ADCY5: variants seen among roughly 807,000 people sequenced by gnomAD.
ADCY5 encodes adenylate cyclase type 5.
In ADCY5, 30 loss-of-function variants were observed where a neutral mutation model predicts 119.7. That is an observed-to-expected ratio of 0.25 (90% confidence interval 0.19 to 0.34). The LOEUF is 0.34. ADCY5 is among the 10% of genes least tolerant of loss of function. The pLI, the probability that ADCY5 is intolerant of heterozygous loss-of-function variation, is 1.00. For missense variants in ADCY5, 1,324 were observed against 1,775.2 expected (o/e 0.75, Z 4.57); for synonymous variants, 753 against 762.2 (o/e 0.99, Z 0.20).
chr3:123,302,099 T>C (rs553659002), intron 14 of ADCY5, among the ~76,000 whole-genome samples: 2 of 152,312 alleles, frequency 1.3e-5, no homozygotes, highest in African/African-American at 4.8e-5. Context: ...GGGAGTTGGA[T>C]GAAAACATAG....
chr3:123,321,249 C>T (rs772435334), intron 8 of ADCY5, among the ~76,000 whole-genome samples: 6 of 152,254 alleles, frequency 3.9e-5, no homozygotes, highest in South Asian at 2.1e-4. Flanking sequence ...CCCAGGAGTT[C>T]GCACATTTTG....
At chr3:123,383,074 G>A (rs1288869134) in intron 1 of ADCY5, among the ~76,000 whole-genome samples, 21 of 138,640 alleles carry the variant, frequency 1.5e-4, no homozygotes, top group Admixed American at 1.0e-3. Context: ...CCAGGGCCCC[G>A]AGCCTTGCTA....
At position 123,315,302 on chromosome 3, in the gene ADCY5, G is replaced by A. The variant is rs148642617; in HGVS notation, c.2355-980C>T. On this transcript the variant is annotated intron_variant, in intron 11 of 20. Coordinates refer to ENST00000462833, the MANE Select transcript of ADCY5 (RefSeq NM_183357.3). ...CGGCACTTAGCTGCCTTCAACAAAC[G>A]GAACAAGGGAAACGAATTCTCTTCA... Among the ~76,000 whole-genome samples the A allele has an allele frequency of 2.5e-3, 388 of 152,322 alleles. 1 individual carries two copies. The highest frequency in any genetic ancestry group is 4.2e-3 in the Admixed American group (65 of 15,308).
rs1207342512 is a variant in ADCY5 at position 123,440,954 on chromosome 3, C to T, written c.1134+6458G>A. ...CATTAGTGCACACTCACCAGCCCCA[C>T]CTGGATGCCTCCCAATAAGTCTGCA... On this transcript the variant is annotated intron_variant, in intron 1 of 20. Transcript: ENST00000462833. Among the ~76,000 whole-genome samples, 4 of 152,340 alleles carry T rather than the reference C, an allele frequency of 2.6e-5. No individual in the cohort carries two copies. In the East Asian group the frequency reaches 7.7e-4, roughly 29 times the overall value.
At chr3:123,324,803 G>T (rs1342518589) in intron 8 of ADCY5, among the ~76,000 whole-genome samples, 2 of 152,172 alleles carry the variant, frequency 1.3e-5, no homozygotes, top group Non-Finnish European at 2.9e-5. Context: ...ATTAGTGGGG[G>T]GTCTTTCTCA....
Position 123,300,265 on chromosome 3 carries a change from G to A in ADCY5, c.2755C>T (p.Leu919=). 6.2e-7 allele frequency: 1 copy of A among 1,613,530 alleles called. No individual in the cohort carries two copies. Among genetic ancestry groups the A allele is most frequent in the South Asian group, 1.1e-5 (1 of 91,084 alleles). The change falls in exon 15 of 21, where the codon CTG becomes TTG. Residue 919 remains leucine, a synonymous_variant. Coordinates refer to ENST00000462833, the MANE Select transcript of ADCY5 (RefSeq NM_183357.3). ...YFTYSVLLSL[L]ACSVFLQISC... ...ATCTGCAGGAACACGGAGCAGGCCA[G>A]CAGGCTGAGCAGCACGCTGTAGGTG...
chr3:123,368,412 A>G (rs571892217), intron 1 of ADCY5, among the ~76,000 whole-genome samples: 10 of 152,326 alleles, frequency 6.6e-5, no homozygotes, highest in African/African-American at 1.9e-4. Context: ...CCTGGCCAAC[A>G]TGGCGAAACG....
At chr3:123,395,466 C>T (rs1559859145) in intron 1 of ADCY5, among the ~76,000 whole-genome samples, 2 of 152,244 alleles carry the variant, frequency 1.3e-5, no homozygotes, top group Middle Eastern at 3.2e-3. Flanking sequence ...GCTGCCTGTA[C>T]ACCGCCTCCT....
intron 1 of ADCY5, among the ~76,000 whole-genome samples, chr3:123,446,871 G>T (rs190656844): frequency 1.2e-3 from 185 of 152,304 alleles, no homozygotes; most frequent in African/African-American, 4.4e-3. Context: ...CAGTCCTTCT[G>T]CAAGTTCAGG....
intron 1 of ADCY5, among the ~76,000 whole-genome samples, chr3:123,415,128 G>A (rs557620262): frequency 2.0e-5 from 3 of 152,286 alleles, no homozygotes; most frequent in South Asian, 2.1e-4. Flanking sequence ...ACTGGCCCTC[G>A]GGTCTGATAG....
intron 1 of ADCY5, among the ~76,000 whole-genome samples, chr3:123,401,937 G>A (rs774900521): frequency 2.7e-4 from 41 of 152,302 alleles, no homozygotes; most frequent in Admixed American, 5.9e-4. Flanking sequence ...CGGTGCACAG[G>A]TCATACCTCA....
intron 5 of ADCY5, 101 bp from the exon 6 acceptor site, chr3:123,328,903 A>G (rs879390655): frequency 1.8e-5 from 22 of 1,242,934 alleles, no homozygotes; most frequent in Non-Finnish European, 2.1e-5. Context: ...TGCGGGGGTC[A>G]AAGAGTCTTC....
intron 14 of ADCY5, among the ~76,000 whole-genome samples, chr3:123,302,246 G>A (rs1447432439): frequency 1.3e-5 from 2 of 152,224 alleles, no homozygotes; most frequent in African/African-American, 2.4e-5. Context: ...CCTGGCAAAC[G>A]CAGTACCATG....
At chr3:123,357,107 G>C (rs879687569) in intron 1 of ADCY5, among the ~76,000 whole-genome samples, 1 of 152,136 alleles carries the variant, frequency 6.6e-6, no homozygotes, top group Non-Finnish European at 1.5e-5. Flanking sequence ...GGCAGCACAA[G>C]GAAACCTTTT....
chr3:123,384,373 C>T (rs1326224886), intron 1 of ADCY5, among the ~76,000 whole-genome samples: 1 of 152,234 alleles, frequency 6.6e-6, no homozygotes, highest in Non-Finnish European at 1.5e-5. Flanking sequence ...TACAGAGGCT[C>T]CTCTGGCACA....
chr3:123,338,666 G>T (rs973109670), intron 3 of ADCY5, among the ~76,000 whole-genome samples: 2 of 152,232 alleles, frequency 1.3e-5, no homozygotes, highest in Non-Finnish European at 2.9e-5. Flanking sequence ...GGCTGTGCAC[G>T]CTTCCCTAAT....
At chr3:123,365,694 A>G (rs10934646) in intron 1 of ADCY5, among the ~76,000 whole-genome samples, 40,599 of 152,092 alleles carry the variant, frequency 0.27, 6,706 homozygotes, top group Non-Finnish European at 0.37. Flanking sequence ...GGTGTTGTGG[A>G]AGAGGCTGAA....
chr3:123,399,338 G>A (rs1253603213), intron 1 of ADCY5, among the ~76,000 whole-genome samples: 1 of 152,184 alleles, frequency 6.6e-6, no homozygotes, highest in African/African-American at 2.4e-5. Flanking sequence ...ATACAGCTAT[G>A]GAAAAATATT....
At chr3:123,383,210 G>A (rs528555052) in intron 1 of ADCY5, among the ~76,000 whole-genome samples, 4 of 152,252 alleles carry the variant, frequency 2.6e-5, no homozygotes, top group South Asian at 4.2e-4. Flanking sequence ...GGGAGGAGTC[G>A]CATTTTGGAA....
Sources: allele counts gnomAD v4.1 joint callset (sites outside exome capture counted in the v4.1 genomes callset), GRCh38; gene constraint gnomAD v4.1.1; transcripts MANE v1.5; gene names NCBI Gene and HGNC (gene_info 2026-07-23, HGNC 2026-07-21).